The following SCAPER variants were observed in gnomAD, a reference collection of about 807,000 sequenced individuals.
SCAPER encodes S-phase cyclin A associated protein in the ER.
A neutral mutation model predicts 182.2 loss-of-function variants in SCAPER; 98 were observed. The ratio of observed to expected loss-of-function variants is 0.54; its 90% CI spans 0.46 to 0.64. The LOEUF is 0.64. Ranked by LOEUF, SCAPER falls within the 30% of genes least tolerant of loss-of-function variation. SCAPER has a pLI of 0.00. For missense variants in SCAPER, 1,432 were observed against 1,690.0 expected (o/e 0.85, Z 2.68); for synonymous variants, 605 against 564.6 (o/e 1.07, Z -1.01).
intron 1 of SCAPER, among the ~76,000 whole-genome samples, chr15:76,889,464 A>G (rs900181185): frequency 1.3e-5 from 2 of 152,178 alleles, no homozygotes; most frequent in Non-Finnish European, 2.9e-5. Flanking sequence ...CTCAAACTAA[A>G]GTATGGAGGA....
intron 21 of SCAPER, among the ~76,000 whole-genome samples, chr15:76,654,796 G>A (rs895884620): frequency 6.6e-6 from 1 of 152,268 alleles, no homozygotes; most frequent in African/African-American, 2.4e-5. Context: ...TTACAATTTT[G>A]GGTCTGGTTG....
intron 6 of SCAPER, among the ~76,000 whole-genome samples, chr15:76,801,339 ATT>A (rs2065774478): frequency 1.3e-5 from 2 of 152,104 alleles, no homozygotes; most frequent in African/African-American, 4.8e-5. Flanking sequence ...TTCTCTTCCT[ATT>A]TAATCAGTGT....
At chr15:76,503,792 T>C (rs2143798113) in intron 24 of SCAPER, among the ~76,000 whole-genome samples, 1 of 152,338 alleles carries the variant, frequency 6.6e-6, no homozygotes, top group East Asian at 1.9e-4. Flanking sequence ...CCAATGCTAT[T>C]TCTTTTTAAT....
chr15:76,649,814 C>T (rs1412465213), intron 21 of SCAPER, among the ~76,000 whole-genome samples: 1 of 151,662 alleles, frequency 6.6e-6, no homozygotes, highest in Non-Finnish European at 1.5e-5. Context: ...CGTTTTCAGG[C>T]AAACAAATGC....
chr15:76,664,421 C>T (rs1318700164), intron 21 of SCAPER, among the ~76,000 whole-genome samples: 1 of 152,010 alleles, frequency 6.6e-6, no homozygotes, highest in Non-Finnish European at 1.5e-5. Flanking sequence ...ATGGTTTTGG[C>T]CTAAGCAACT....
intron 29 of SCAPER, among the ~76,000 whole-genome samples, chr15:76,358,800 GTT>G: frequency 6.6e-6 from 1 of 152,332 alleles, no homozygotes; most frequent in South Asian, 2.1e-4. Context: ...CCGGAATTAT[GTT>G]CCATTAGAAA....
chr15:76,474,230 G>A (rs1403874339), intron 24 of SCAPER, among the ~76,000 whole-genome samples: 2 of 152,182 alleles, frequency 1.3e-5, no homozygotes, highest in Non-Finnish European at 2.9e-5. Context: ...ATTTTGATGT[G>A]CAGCCAGAGT....
intron 20 of SCAPER, among the ~76,000 whole-genome samples, chr15:76,681,451 T>C (rs1476522576): frequency 6.6e-6 from 1 of 152,172 alleles, no homozygotes; most frequent in Non-Finnish European, 1.5e-5. Flanking sequence ...AACAGTGTAG[T>C]GGCCAAGATG....
intron 5 of SCAPER, among the ~76,000 whole-genome samples, chr15:76,833,582 G>C (rs1490571236): frequency 1.3e-5 from 2 of 152,288 alleles, no homozygotes; most frequent in East Asian, 3.9e-4. Context: ...GCTGGATAAA[G>C]AAGCAAGACC....
At chr15:76,679,950 T>C (rs898403538) in intron 20 of SCAPER, among the ~76,000 whole-genome samples, 4 of 152,260 alleles carry the variant, frequency 2.6e-5, no homozygotes, top group East Asian at 3.8e-4. Context: ...TCAGTTGTAC[T>C]GAACCATGCC....
At chr15:76,501,220 G>A (rs895654250) in intron 24 of SCAPER, among the ~76,000 whole-genome samples, 4 of 151,684 alleles carry the variant, frequency 2.6e-5, no homozygotes, top group Admixed American at 1.3e-4. Context: ...ATGATAACTT[G>A]AAAATAATTA....
chr15:76,495,244 T>C (rs974275466), intron 24 of SCAPER, among the ~76,000 whole-genome samples: 1 of 151,854 alleles, frequency 6.6e-6, no homozygotes, highest in African/African-American at 2.4e-5. Flanking sequence ...CAATCCGGAA[T>C]GAAGTTTTGC....
intron 9 of SCAPER, 28 bp downstream of exon 9, chr15:76,774,827 C>T (rs764310943): frequency 6.3e-7 from 1 of 1,583,540 alleles, no homozygotes; most frequent in East Asian, 2.2e-5. Flanking sequence ...TTGAAAAAGA[C>T]AGTAAAAGGA....
rs2049276884 is a variant in SCAPER, at chr15:76,593,458, T to G, written c.2712-19174A>C. ...GAGAGCAGCGGATCTCCTAGCACAG[T>G]GCTCGAGCTCAAATAAAGGACAGAC... is the stretch of plus-strand genomic sequence containing the variant. On this transcript the variant is annotated intron_variant, in intron 22 of 31. Transcript: ENST00000563290. Among the ~76,000 whole-genome samples, 3 of 121,092 alleles carry G rather than the reference T, an allele frequency of 2.5e-5. 1 individual carries two copies. 79.4% of individuals were successfully genotyped at this position (121,092 alleles called of 152,430 possible).
At chr15:76,810,438 A>G (rs1408739026) in intron 5 of SCAPER, among the ~76,000 whole-genome samples, 4 of 151,730 alleles carry the variant, frequency 2.6e-5, no homozygotes, top group Non-Finnish European at 5.9e-5. Context: ...ATAGATCATT[A>G]TAACAATAAA....
rs561382401 is a variant in SCAPER, at chr15:76,425,425, G to A, written c.3311+8653C>T. Among the ~76,000 whole-genome samples the A allele has an allele frequency of 3.3e-5, 5 of 152,264 alleles. No individual in the cohort carries two copies. In the South Asian group the frequency reaches 8.3e-4, roughly 25 times the overall value. ...GATAGAATCGGCTACTGAAGCTTGT[G>A]CATGTGTCACATAGTTCTCGTGCCA... On this transcript the variant is annotated intron_variant, in intron 26 of 31. Transcript: ENST00000563290.
At chr15:76,777,064 CAAAGAA>C (rs1479303726) in intron 8 of SCAPER, among the ~76,000 whole-genome samples, 3 of 151,862 alleles carry the variant, frequency 2.0e-5, no homozygotes. Context: ...AAACTAAAGA[CAAAGAA>C]AAATCATAAT....
At chr15:76,664,750 T>C (rs61128127) in intron 21 of SCAPER, among the ~76,000 whole-genome samples, 2,259 of 152,288 alleles carry the variant, frequency 0.015, 57 homozygotes, top group African/African-American at 0.051. Flanking sequence ...AAAACTATTC[T>C]GAGAAATCTG....
At chr15:76,713,636 G>A (rs796369004) in intron 17 of SCAPER, among the ~76,000 whole-genome samples, 1 of 151,932 alleles carries the variant, frequency 6.6e-6, no homozygotes, top group Non-Finnish European at 1.5e-5. Context: ...TTGTGGGGTG[G>A]GGGGAGAGGG....
Sources: allele counts gnomAD v4.1 joint callset (sites outside exome capture counted in the v4.1 genomes callset), GRCh38; gene constraint gnomAD v4.1.1; transcripts MANE v1.5; gene names NCBI Gene and HGNC (gene_info 2026-07-23, HGNC 2026-07-21).